DNAJC8: variants seen among roughly 807,000 people sequenced by gnomAD.
The protein encoded by DNAJC8 is DnaJ heat shock protein family (Hsp40) member C8.
A neutral mutation model predicts 43.2 loss-of-function variants in DNAJC8; 24 were observed. The observed-to-expected ratio is 0.56, with a 90% CI of 0.40 to 0.78. DNAJC8 has a LOEUF of 0.78. Among genes scored for constraint, DNAJC8 ranks in the 30% least tolerant of loss-of-function variants. The pLI is 0.00. For synonymous variants in DNAJC8, 83 were observed against 98.0 expected (o/e 0.85, Z 0.90); for missense variants, 207 against 299.4 (o/e 0.69, Z 2.28).
chr1:28,215,377 A>T (rs1646844064), intron 2 of DNAJC8, among the ~76,000 whole-genome samples: 1 of 152,156 alleles, frequency 6.6e-6, no homozygotes, highest in Non-Finnish European at 1.5e-5. Flanking sequence ...AAAGAAAAAA[A>T]TAGCCCAATG....
Position 28,203,746 on chromosome 1 carries a change from C to T in DNAJC8, c.639+1G>A. On this transcript the variant is annotated splice_donor_variant, in intron 8 of 8. Coordinates refer to ENST00000263697, the MANE Select transcript of DNAJC8 (RefSeq NM_014280.3). LOFTEE classifies it high-confidence loss of function. Reference sequence around the variant, plus strand: ...AATCCCTGGCCACCTTGGAAATTTACCTCAAAGTTTTTCTGCCACTCTCTT... The same window carrying T: ...AATCCCTGGCCACCTTGGAAATTTATCTCAAAGTTTTTCTGCCACTCTCTT... 2 of 1,614,126 alleles carry T rather than the reference C, an allele frequency of 1.2e-6. No homozygotes were observed. The highest frequency in any genetic ancestry group is 1.7e-6 in the Non-Finnish European group (2 of 1,179,988).
At chr1:28,221,077 C>T (rs1188871493) in intron 2 of DNAJC8, among the ~76,000 whole-genome samples, 6 of 151,874 alleles carry the variant, frequency 4.0e-5, no homozygotes, top group African/African-American at 9.7e-5. Context: ...CGGTGGCTCA[C>T]GCCTGTAATC....
At chr1:28,222,171 C>T (rs948542455) in intron 2 of DNAJC8, among the ~76,000 whole-genome samples, 2 of 152,052 alleles carry the variant, frequency 1.3e-5, no homozygotes, top group Non-Finnish European at 2.9e-5. Flanking sequence ...AATGGTTGGA[C>T]AACACTATGA....
chr1:28,223,046 A>G (rs923974928), intron 2 of DNAJC8, among the ~76,000 whole-genome samples: 1 of 152,168 alleles, frequency 6.6e-6, no homozygotes, highest in Non-Finnish European at 1.5e-5. Context: ...ACAGGGTACA[A>G]GAACCCAAGC....
chr1:28,214,078 T>C (rs1330976262), intron 3 of DNAJC8, among the ~76,000 whole-genome samples: 2 of 152,044 alleles, frequency 1.3e-5, no homozygotes, highest in African/African-American at 2.4e-5. Flanking sequence ...CTGTCAAAAC[T>C]GGAAGGATTT....
At chr1:28,212,188 T>TATAC (rs1439046230) in intron 3 of DNAJC8, among the ~76,000 whole-genome samples, 1 of 96,992 alleles carries the variant, frequency 1.0e-5, no homozygotes, top group East Asian at 3.2e-4. Flanking sequence ...TATATATATA[T>TATAC]ATATATATAT....
intron 2 of DNAJC8, among the ~76,000 whole-genome samples, chr1:28,222,288 C>T (rs1194515192): frequency 1.3e-5 from 2 of 151,816 alleles, no homozygotes; most frequent in Non-Finnish European, 2.9e-5. Flanking sequence ...GCGTTCGAGA[C>T]CAGCCTGACT....
At chr1:28,220,308 C>A (rs1397025438) in intron 2 of DNAJC8, among the ~76,000 whole-genome samples, 1 of 152,202 alleles carries the variant, frequency 6.6e-6, no homozygotes, top group Non-Finnish European at 1.5e-5. Context: ...CTTTTACCTG[C>A]GGCCGGTCCT....
chr1:28,208,708 T>C (rs1354667623), intron 5 of DNAJC8: 1 of 211,846 alleles, frequency 4.7e-6, no homozygotes, highest in African/African-American at 2.3e-5. Context: ...AAAAAGTCTT[T>C]GAAACAGACT....
Position 28,201,202 on chromosome 1 carries a change from A to G in DNAJC8, c.*46T>C, listed in dbSNP as rs764524776. ...GAAAGAATGAGTCCTTCGAAGCAGG[A>G]AGGGAGATAGCAGGGGAAAGGTTCT... On this transcript the variant is annotated 3_prime_UTR_variant, in exon 9 of 9. Transcript: ENST00000263697. 23 of 1,609,532 alleles carry G rather than the reference A, an allele frequency of 1.4e-5. No individual in the cohort carries two copies. The highest frequency in any genetic ancestry group is 2.0e-5 in the Non-Finnish European group (23 of 1,179,098).
intron 3 of DNAJC8, among the ~76,000 whole-genome samples, chr1:28,214,357 A>C (rs1205733583): frequency 6.6e-6 from 1 of 152,034 alleles, no homozygotes; most frequent in African/African-American, 2.4e-5. Flanking sequence ...CAACATAGGG[A>C]AACTCTGTCT....
chr1:28,222,417 C>T (rs521587), intron 2 of DNAJC8, among the ~76,000 whole-genome samples: 48,837 of 142,602 alleles, frequency 0.34, 8,694 homozygotes, highest in African/African-American at 0.48. Context: ...ATCCAGGTGG[C>T]GGAGGTTGCA....
At chr1:28,219,431 C>T (rs1457672886) in intron 2 of DNAJC8, among the ~76,000 whole-genome samples, 17 of 152,112 alleles carry the variant, frequency 1.1e-4, no homozygotes, top group Admixed American at 1.0e-3. Context: ...ATGGCATGAA[C>T]CCGGGAGGCG....
chr1:28,214,512 C>T (rs1024484941), intron 3 of DNAJC8, among the ~76,000 whole-genome samples: 18 of 151,908 alleles, frequency 1.2e-4, no homozygotes, highest in African/African-American at 2.4e-4. Context: ...CCAGCGTGGG[C>T]GACAAAGCAA....
At chr1:28,227,147 A>C (rs1435223968) in intron 2 of DNAJC8, among the ~76,000 whole-genome samples, 1 of 119,798 alleles carries the variant, frequency 8.3e-6, no homozygotes, top group Non-Finnish European at 1.6e-5. Context: ...GGTGGCTCAC[A>C]CCTATAATCC....
At position 28,201,094 on chromosome 1, in the gene DNAJC8, T is replaced by C. The variant is rs143936244; in HGVS notation, c.*154A>G. The C allele has an allele frequency of 6.2e-6, 7 of 1,131,564 alleles. No individual in the cohort carries two copies. In the African/African-American group the frequency reaches 9.3e-5, roughly 15 times the overall value. The allele number at this position is 1,131,564 out of a possible 1,614,324, so 70.1% of individuals were successfully genotyped here. On this transcript the variant is annotated 3_prime_UTR_variant, in exon 9 of 9. Transcript: ENST00000263697. ...CCCCTCATTTCAATGTACAAAAGAA[T>C]TACTCTGATCGATATTAAATCGTAT...
At chr1:28,204,559 A>G (rs1230676777) in intron 7 of DNAJC8, among the ~76,000 whole-genome samples, 3 of 152,168 alleles carry the variant, frequency 2.0e-5, no homozygotes, top group Non-Finnish European at 4.4e-5. Context: ...AAGAGAAATC[A>G]TATTTTAGAA....
At chr1:28,217,738 C>A (rs1286421201) in intron 2 of DNAJC8, among the ~76,000 whole-genome samples, 8 of 151,870 alleles carry the variant, frequency 5.3e-5, no homozygotes, top group Non-Finnish European at 1.2e-4. Flanking sequence ...CAGAAATTGT[C>A]CCACCCTCAC....
intron 3 of DNAJC8, among the ~76,000 whole-genome samples, chr1:28,212,806 A>G (rs1007494916): frequency 1.3e-5 from 2 of 152,148 alleles, no homozygotes; most frequent in South Asian, 2.1e-4. Flanking sequence ...TCCAACTTCA[A>G]TCACCTACTA....
Sources: gnomAD v4.1 joint callset for allele counts (sites outside exome capture counted in the v4.1 genomes callset) on GRCh38, gnomAD v4.1.1 for gene constraint, MANE v1.5 for transcripts, NCBI Gene and HGNC (gene_info 2026-07-23, HGNC 2026-07-21) for gene names.